The following TUFT1 variants were observed in gnomAD, a reference collection of about 807,000 sequenced individuals.
TUFT1 encodes the protein tuftelin.
In TUFT1, 43 loss-of-function variants were observed where a neutral mutation model predicts 57.8. The ratio of observed to expected loss-of-function variants is 0.74; its 90% CI spans 0.58 to 0.96. TUFT1 has a LOEUF of 0.96. Ranked by LOEUF, TUFT1 falls within the 40% of genes least tolerant of loss-of-function variation. The pLI, the probability that TUFT1 is intolerant of heterozygous loss-of-function variation, is 0.00. For synonymous variants in TUFT1, 166 were observed against 176.7 expected (o/e 0.94, Z 0.48); for missense variants, 459 against 489.0 (o/e 0.94, Z 0.58).
At chr1:151,544,044 G>A (rs1222061973) in intron 1 of TUFT1, among the ~76,000 whole-genome samples, 1 of 146,598 alleles carries the variant, frequency 6.8e-6, no homozygotes, top group Non-Finnish European at 1.5e-5. Flanking sequence ...GTGCAGTGGT[G>A]TGATCATAGC....
intron 1 of TUFT1, among the ~76,000 whole-genome samples, chr1:151,541,736 T>G (rs1165338146): frequency 6.6e-6 from 1 of 152,226 alleles, no homozygotes; most frequent in Non-Finnish European, 1.5e-5. Context: ...CCAACCCCAG[T>G]TGCCCAAACC....
At chr1:151,566,016 CTTTTTCTCTCTCCCT>C in intron 5 of TUFT1, 132 bp from the exon 6 acceptor site, 2 of 70,758 alleles carry the variant, frequency 2.8e-5, no homozygotes, top group Non-Finnish European at 7.7e-5. Context: ...CCCTCCCTTT[CTTTTTCTCTCTCCCT>C]CCCCCTCCCT....
intron 11 of TUFT1, 118 bp from the exon 12 acceptor site, chr1:151,580,824 G>A (rs1183394292): frequency 2.4e-6 from 2 of 839,504 alleles, no homozygotes; most frequent in Non-Finnish European, 3.9e-6. Flanking sequence ...GGCACGCATG[G>A]TGGGGGTAGA....
rs1666202321 is a variant in TUFT1, at chr1:151,569,879, A to G, written c.594+109A>G. On this transcript the variant is annotated intron_variant, in intron 7 of 12. Transcript: ENST00000368849. ...CTGTCTTTCTGGCTGAGTGCCACAA[A>G]CTGGAAAGGCAAGGCTGTGAAGCCT... 3.4e-6 allele frequency: 3 copies of G among 888,848 alleles called. 1 individual carries two copies. Among genetic ancestry groups the G allele is most frequent in the Admixed American group, 3.7e-5 (2 of 53,552 alleles). The allele number at this position is 888,848 out of a possible 1,614,324, so 55.1% of individuals were successfully genotyped here. A position where few individuals can be genotyped will look rare whatever the true frequency, so the allele number is the denominator to read the frequency against.
chr1:151,578,874 C>G (rs761637021), intron 10 of TUFT1, 48 bp downstream of exon 10: 6 of 1,441,776 alleles, frequency 4.2e-6, no homozygotes, highest in Non-Finnish European at 5.7e-6. Context: ...CACCCCAAGT[C>G]TATGCTCTTA....
intron 9 of TUFT1, 43 bp downstream of exon 9, chr1:151,575,048 G>A (rs1666417627): frequency 2.0e-6 from 3 of 1,522,982 alleles, no homozygotes; most frequent in Non-Finnish European, 2.7e-6. Flanking sequence ...GGGTTGCAGG[G>A]AGGGGAGGGC....
chr1:151,570,464 A>G (rs1666221338), intron 7 of TUFT1, among the ~76,000 whole-genome samples: 1 of 151,716 alleles, frequency 6.6e-6, no homozygotes, highest in Non-Finnish European at 1.5e-5. Flanking sequence ...GTGTTTTTAG[A>G]AGAGACGGGG....
At chr1:151,567,694 A>T (rs1183687640) in intron 6 of TUFT1, among the ~76,000 whole-genome samples, 1 of 151,328 alleles carries the variant, frequency 6.6e-6, no homozygotes, top group African/African-American at 2.4e-5. Context: ...TACTGGCGTG[A>T]GCCACCACGC....
In TUFT1 at chr1:151,571,943, C is replaced by CCAGGAGGCCT. The variant is rs145076570; in HGVS notation, c.594+2193_594+2202dup. On this transcript the variant is annotated intron_variant, in intron 7 of 12. Coordinates refer to ENST00000368849, the MANE Select transcript of TUFT1 (RefSeq NM_020127.3). Reference sequence around the variant, plus strand: ...GGGCGCTGTGGCTCACACCTGTGAGCCAGGAGGCCTCAGGAGGCCTCAGGA... The same window carrying CCAGGAGGCCT: ...GGGCGCTGTGGCTCACACCTGTGAGCCAGGAGGCCTCAGGAGGCCTCAGGAGGCCTCAGGA... Among the ~76,000 whole-genome samples the CCAGGAGGCCT allele has an allele frequency of 5.2e-3, 788 of 152,188 alleles. 35 individuals carry two copies. Among genetic ancestry groups the CCAGGAGGCCT allele is most frequent in the Admixed American group, 0.036 (555 of 15,282 alleles).
At chr1:151,569,792 G>T (rs771200348) in intron 7 of TUFT1, 22 bp downstream of exon 7, 3 of 1,595,512 alleles carry the variant, frequency 1.9e-6, no homozygotes, top group Non-Finnish European at 2.6e-6. Flanking sequence ...GATTTGGGGA[G>T]AAGGTGCCCT....
intron 1 of TUFT1, among the ~76,000 whole-genome samples, chr1:151,558,539 C>A (rs1209379508): frequency 6.6e-6 from 1 of 151,936 alleles, no homozygotes; most frequent in Non-Finnish European, 1.5e-5. Context: ...GTCATTATTT[C>A]TTTGAGAACA....
At chr1:151,560,955 A>ATT (rs1243602290) in intron 1 of TUFT1, among the ~76,000 whole-genome samples, 6 of 119,854 alleles carry the variant, frequency 5.0e-5, no homozygotes, top group African/African-American at 1.7e-4. Context: ...CCTGCAAAGT[A>ATT]TTGTGTGTGT....
rs570096702 is a variant in TUFT1 at position 151,554,739 on chromosome 1, C to T, written c.61-7352C>T. Among the ~76,000 whole-genome samples, 259 of 104,952 alleles carry T rather than the reference C, an allele frequency of 2.5e-3. 1 individual carries two copies. Among genetic ancestry groups the T allele is most frequent in the African/African-American group, 9.0e-3 (246 of 27,244 alleles). 68.9% of individuals were successfully genotyped at this position (104,952 alleles called of 152,430 possible). On this transcript the variant is annotated intron_variant, in intron 1 of 12. Transcript: ENST00000368849. ...TTTTTTTTGAGACAGAGTCTCACTC[C>T]GTTGCCCAGACTGGAGTGCAATAGC...
rs913465207 is a variant in TUFT1, at chr1:151,552,772, A to G, written c.61-9319A>G. 3.3e-5 allele frequency among the ~76,000 whole-genome samples: 5 copies of G among 151,126 alleles called. No individual in the cohort carries two copies. The South Asian group carries it at 6.3e-4, about 19-fold the overall frequency. On this transcript the variant is annotated intron_variant, in intron 1 of 12. Transcript: ENST00000368849. ...ATTTGATCATAGTTTTAGGTGACAT[A>G]GGAACCTTCTGAATGAAGACCCAAA...
At chr1:151,559,322 A>G (rs928537318) in intron 1 of TUFT1, among the ~76,000 whole-genome samples, 1 of 152,250 alleles carries the variant, frequency 6.6e-6, no homozygotes, top group Non-Finnish European at 1.5e-5. Flanking sequence ...ACTGAGAGGC[A>G]GATGCCATGG....
At chr1:151,580,400 C>T (rs917033257) in intron 11 of TUFT1, among the ~76,000 whole-genome samples, 33 of 152,198 alleles carry the variant, frequency 2.2e-4, no homozygotes, top group African/African-American at 7.9e-4. Context: ...GTGGCTCATG[C>T]CTGTAATCCC....
At chr1:151,551,174 CCTT>C (rs1290556804) in intron 1 of TUFT1, among the ~76,000 whole-genome samples, 1 of 152,100 alleles carries the variant, frequency 6.6e-6, no homozygotes, top group East Asian at 1.9e-4. Context: ...TTTAGAGTTG[CCTT>C]CTTAGTCTTT....
At chr1:151,540,591 AGT>A in intron 1 of TUFT1, 165 bp downstream of exon 1, 1 of 738,096 alleles carries the variant, frequency 1.4e-6, no homozygotes, top group South Asian at 1.8e-5. Context: ...TGCGACGGGC[AGT>A]GGGAGTCGCG....
chr1:151,543,327 ATGTG>A (rs10626781), intron 1 of TUFT1, among the ~76,000 whole-genome samples: 7,765 of 146,544 alleles, frequency 0.053, 327 homozygotes, highest in East Asian at 0.21. Context: ...TTATATATAT[ATGTG>A]TGTGTGTGTG....
Sources: gnomAD v4.1 joint callset for allele counts (sites outside exome capture counted in the v4.1 genomes callset) on GRCh38, gnomAD v4.1.1 for gene constraint, MANE v1.5 for transcripts, NCBI Gene and HGNC (gene_info 2026-07-23, HGNC 2026-07-21) for gene names.